Variants in GPC6 observed in about 807,000 individuals in gnomAD.
GPC6 encodes the protein glypican 6.
Under a neutral mutation model 55.2 loss-of-function variants are expected in GPC6, and 14 were observed. That is an observed-to-expected ratio of 0.25 (90% CI 0.17 to 0.40). The LOEUF (loss-of-function observed/expected upper bound fraction) is 0.40. Ranked by LOEUF, GPC6 falls within the 10% of genes least tolerant of loss-of-function variation. The pLI is 1.00. For synonymous variants in GPC6, 278 were observed against 259.6 expected (o/e 1.07, Z -0.68); for missense variants, 641 against 708.5 (o/e 0.90, Z 1.08).
intron 4 of GPC6, among the ~76,000 whole-genome samples, chr13:94,190,901 A>G (rs1194506843): frequency 1.3e-5 from 2 of 152,312 alleles, no homozygotes; most frequent in South Asian, 4.1e-4. Context: ...ATATTAGTAT[A>G]TAAGTGGTAC....
At chr13:93,368,336 CTTT>C (rs1263769299) in intron 1 of GPC6, among the ~76,000 whole-genome samples, 30 of 92,168 alleles carry the variant, frequency 3.3e-4, no homozygotes, top group Non-Finnish European at 4.1e-4. Flanking sequence ...TCCCTCCCTG[CTTT>C]CCTTCCTTCC....
At chr13:93,521,960 G>T (rs1426406871) in intron 1 of GPC6, among the ~76,000 whole-genome samples, 2 of 152,000 alleles carry the variant, frequency 1.3e-5, no homozygotes, top group East Asian at 3.9e-4. Flanking sequence ...GAAAGACTAG[G>T]TTTTATTTAA....
chr13:93,610,288 A>G (rs1878409498), intron 2 of GPC6, among the ~76,000 whole-genome samples: 1 of 152,248 alleles, frequency 6.6e-6, no homozygotes, highest in Non-Finnish European at 1.5e-5. Context: ...TCTCAACATC[A>G]GAGTTTGGTT....
chr13:93,481,669 T>C (rs1273185008), intron 1 of GPC6, among the ~76,000 whole-genome samples: 4 of 152,026 alleles, frequency 2.6e-5, no homozygotes, highest in African/African-American at 4.8e-5. Flanking sequence ...TACTCAGTTG[T>C]GGCAGAATCA....
intron 2 of GPC6, among the ~76,000 whole-genome samples, chr13:93,814,869 A>C (rs1594480486): frequency 6.6e-6 from 1 of 152,240 alleles, no homozygotes; most frequent in African/African-American, 2.4e-5. Flanking sequence ...GAAGAGGGAG[A>C]TTCATTACCA....
At chr13:93,940,179 T>A (rs1474077028) in intron 3 of GPC6, among the ~76,000 whole-genome samples, 1 of 152,202 alleles carries the variant, frequency 6.6e-6, no homozygotes, top group African/African-American at 2.4e-5. Flanking sequence ...TCCTTAGTAA[T>A]TATTAGTTTC....
intron 4 of GPC6, among the ~76,000 whole-genome samples, chr13:94,267,418 A>T (rs953159747): frequency 6.6e-6 from 1 of 152,168 alleles, no homozygotes; most frequent in Non-Finnish European, 1.5e-5. Flanking sequence ...ACTTATACAT[A>T]ACAAATATAT....
Position 93,489,897 on chromosome 13 carries a change from A to G in GPC6, c.161-55366A>G, listed in dbSNP as rs571022874. On this transcript the variant is annotated intron_variant, in intron 1 of 8. Coordinates refer to ENST00000377047, the MANE Select transcript of GPC6 (RefSeq NM_005708.5). ...GATGATGGGGTTTTCTAAATATACA[A>G]TCATGTCATCTGCAAACAGGGACAA... 3.0e-4 allele frequency among the ~76,000 whole-genome samples: 46 copies of G among 151,692 alleles called. 5 individuals carry two copies. The East Asian group carries it at 7.0e-3, about 23-fold the overall frequency.
intron 2 of GPC6, among the ~76,000 whole-genome samples, chr13:93,661,236 G>A (rs1384147242): frequency 5.9e-5 from 9 of 151,680 alleles, no homozygotes; most frequent in Admixed American, 5.3e-4. Context: ...TATTTTTTGA[G>A]AGAGCCTCAC....
intron 4 of GPC6, among the ~76,000 whole-genome samples, chr13:94,032,503 C>T (rs777080864): frequency 4.6e-5 from 7 of 152,286 alleles, no homozygotes; most frequent in African/African-American, 7.2e-5. Flanking sequence ...GTTTGTTTCC[C>T]GTATCACTCT....
intron 2 of GPC6, among the ~76,000 whole-genome samples, chr13:93,741,749 C>T (rs1272585124): frequency 1.3e-5 from 2 of 152,082 alleles, no homozygotes; most frequent in African/African-American, 2.4e-5. Context: ...TGCTTACCCC[C>T]AGCACTCTTA....
At chr13:93,663,881 T>A (rs1197337117) in intron 2 of GPC6, among the ~76,000 whole-genome samples, 1 of 152,170 alleles carries the variant, frequency 6.6e-6, no homozygotes, top group Non-Finnish European at 1.5e-5. Flanking sequence ...AGTTAGGCTA[T>A]AAGTTCCTTA....
intron 3 of GPC6, among the ~76,000 whole-genome samples, chr13:93,991,490 C>T (rs1881304457): frequency 6.6e-6 from 1 of 152,150 alleles, no homozygotes; most frequent in Non-Finnish European, 1.5e-5. Context: ...CTTTATGAAG[C>T]TTCTTCCAAT....
chr13:93,396,327 G>A (rs1875852994), intron 1 of GPC6, among the ~76,000 whole-genome samples: 1 of 152,114 alleles, frequency 6.6e-6, no homozygotes, highest in African/African-American at 2.4e-5. Context: ...CAATTTTGGA[G>A]GCCGAGGTGG....
At chr13:94,234,620 C>T (rs1002694513) in intron 4 of GPC6, among the ~76,000 whole-genome samples, 2 of 149,452 alleles carry the variant, frequency 1.3e-5, no homozygotes, top group African/African-American at 4.9e-5. Flanking sequence ...CTTTAAAGAA[C>T]TTCTTGGACC....
chr13:93,643,905 T>C (rs1181574623), intron 2 of GPC6, among the ~76,000 whole-genome samples: 2 of 152,080 alleles, frequency 1.3e-5, no homozygotes, highest in Non-Finnish European at 2.9e-5. Flanking sequence ...TTCAGTATTG[T>C]TAAGTTGAGT....
chr13:93,544,369 G>A (rs1390575351), intron 1 of GPC6, among the ~76,000 whole-genome samples: 1 of 152,060 alleles, frequency 6.6e-6, no homozygotes, highest in Non-Finnish European at 1.5e-5. Flanking sequence ...TTGTTCATTT[G>A]TTTTCAGTGT....
At chr13:93,372,640 G>T (rs2139193266) in intron 1 of GPC6, among the ~76,000 whole-genome samples, 1 of 152,158 alleles carries the variant, frequency 6.6e-6, no homozygotes, top group African/African-American at 2.4e-5. Flanking sequence ...GTAGGCATTT[G>T]GTTTTTCATT....
chr13:94,157,338 G>A (rs1377169297), intron 4 of GPC6, among the ~76,000 whole-genome samples: 1 of 152,122 alleles, frequency 6.6e-6, no homozygotes, highest in Non-Finnish European at 1.5e-5. Flanking sequence ...AGGTAAAAAT[G>A]GGCATTGCTT....
Sources: gnomAD v4.1 joint callset for allele counts (sites outside exome capture counted in the v4.1 genomes callset) on GRCh38, gnomAD v4.1.1 for gene constraint, MANE v1.5 for transcripts, NCBI Gene and HGNC (gene_info 2026-07-23, HGNC 2026-07-21) for gene names.